DIPK1B: variants seen among roughly 807,000 people sequenced by gnomAD.
DIPK1B encodes family with sequence similarity 69 member B.
DIPK1B carries 17 observed loss-of-function variants against 20.7 expected under a neutral mutation model. The ratio of observed to expected loss-of-function variants is 0.82; its 90% CI spans 0.56 to 1.23. The LOEUF is 1.23. Ranked by LOEUF, DIPK1B falls within the 50% of genes most tolerant of loss-of-function variation. The pLI, the probability that DIPK1B is intolerant of heterozygous loss-of-function variation, is 0.00. For missense variants in DIPK1B, 648 were observed against 601.8 expected, an observed-to-expected ratio of 1.08 and a Z score of -0.80; for synonymous variants, 343 against 276.5, an observed-to-expected ratio of 1.24 and a Z score of -2.39.
In DIPK1B at chr9:136,723,680, G is replaced by C; in HGVS notation, c.1202G>C (p.Gly401Ala). The change falls in exon 5 of 5, where the codon GGG becomes GCG. Residue 401 changes from glycine to alanine, a missense_variant. By Grantham distance (60) the Gly-to-Ala change is moderately conservative (BLOSUM62 0). Transcript: ENST00000371692. ...TQLRTCTTLS[G>A]LASQVEAHHS... ...CTGCGCACCTGTACCACGCTGAGCG[G>C]GCTGGCCAGCCAGGTGGAGGCCCAT... The C allele has an allele frequency of 1.8e-5, 28 of 1,544,472 alleles. No homozygotes were observed. The highest frequency in any genetic ancestry group is 2.4e-5 in the Non-Finnish European group (28 of 1,148,914).
In DIPK1B at chr9:136,723,463, C is replaced by T; in HGVS notation, c.985C>T (p.Leu329=). ...VAPEATVRRF[L]QGRRCEHSTD... is the part of the protein sequence containing the mutation. ...ACCCGAGGCCACCGTGCGCCGCTTC[C>T]TGCAGGGCCGCCGCTGCGAGCACAG... The change falls in exon 5 of 5, where the codon CTG becomes TTG. Residue 329 remains leucine (L), a synonymous_variant. Coordinates refer to ENST00000371692, the MANE Select transcript of DIPK1B (RefSeq NM_152421.4). 6.2e-7 allele frequency: 1 copy of T among 1,610,566 alleles called. No individual in the cohort carries two copies. The highest frequency in any genetic ancestry group is 8.5e-7 in the Non-Finnish European group (1 of 1,178,922).
intron 2 of DIPK1B, among the ~76,000 whole-genome samples, chr9:136,718,167 C>T (rs12554206): frequency 9.9e-5 from 3 of 30,438 alleles, no homozygotes; most frequent in Non-Finnish European, 2.4e-4. Flanking sequence ...GCCTCACTGG[C>T]CTGGGATAGA....
In DIPK1B at chr9:136,722,403, G is replaced by A. The variant is rs145300956; in HGVS notation, c.483+102G>A. ...CATGCCCAGCGCAAAGGCACAGATG[G>A]GCCCAAGTGGACCCTGGGCAGACCT... is the stretch of plus-strand genomic sequence containing the variant. On this transcript the variant is annotated intron_variant, in intron 4 of 4. Transcript: ENST00000371692. The A allele has an allele frequency of 1.2e-3, 1,606 of 1,307,600 alleles. 17 individuals are homozygous for A. The African/African-American group carries it at 0.021, about 17-fold the overall frequency. The allele number at this position is 1,307,600 out of a possible 1,614,324, so 81.0% of individuals were successfully genotyped here. A position where few individuals can be genotyped will look rare whatever the true frequency, so the allele number is the denominator to read the frequency against.
chr9:136,715,443 G>A (rs994976906), intron 1 of DIPK1B, among the ~76,000 whole-genome samples: 3 of 152,206 alleles, frequency 2.0e-5, no homozygotes, highest in African/African-American at 7.2e-5. Context: ...AGAGTGACCT[G>A]GAGCCCTCCC....
At position 136,723,608 on chromosome 9, in the gene DIPK1B, T is replaced by C; in HGVS notation, c.1130T>C (p.Leu377Pro). ...GTGTGCGCACTGCTACGGGGCTACC[T>C]GCTGCCTGGCGCGCCCGCCGACCTC... Reference protein sequence around the residue: ...AKVCALLRGYLLPGAPADLRE... With the variant: ...AKVCALLRGYPLPGAPADLRE... The change falls in exon 5 of 5, where the codon CTG (leucine) becomes CCG (proline). Residue 377 changes from leucine to proline, a missense_variant. Transcript: ENST00000371692. 6.3e-7 allele frequency: 1 copy of C among 1,588,614 alleles called. No individual in the cohort carries two copies. Among genetic ancestry groups the C allele is most frequent in the Non-Finnish European group, 8.6e-7 (1 of 1,168,956 alleles).
chr9:136,713,011 C>A (rs1024652593), intron 1 of DIPK1B, among the ~76,000 whole-genome samples: 1 of 152,190 alleles, frequency 6.6e-6, no homozygotes, highest in Non-Finnish European at 1.5e-5. Flanking sequence ...AGAAACCACA[C>A]CGAAGTCCTT....
chr9:136,716,732 G>A (rs749810474), intron 1 of DIPK1B, among the ~76,000 whole-genome samples: 20 of 152,216 alleles, frequency 1.3e-4, no homozygotes, highest in Non-Finnish European at 2.5e-4. Flanking sequence ...CCAGGATGTG[G>A]CTGCGTTGGG....
rs1308744766 is a variant in DIPK1B, at chr9:136,712,572, A to T, written c.-94A>T. ...GCGGGCCCGGGGGCGCGCGGCCCGC[A>T]TGGCGAGGGAGCGGCGGCCGCTGCG... is the stretch of plus-strand genomic sequence containing the variant. On this transcript the variant is annotated 5_prime_UTR_variant, in exon 1 of 5. It removes an upstream start codon present in the reference 5' UTR. Transcript: ENST00000371692. This position sits in a 1 kb window ranked among gnomAD's most constrained non-coding sequence, Gnocchi z 5.6. 4.2e-6 allele frequency: 2 copies of T among 474,276 alleles called. No individual in the cohort carries two copies. The highest frequency in any genetic ancestry group is 5.5e-6 in the Non-Finnish European group (2 of 366,472). 29.4% of individuals were successfully genotyped at this position (474,276 alleles called of 1,614,324 possible). A position where few individuals can be genotyped will look rare whatever the true frequency, so the allele number is the denominator to read the frequency against.
Position 136,723,035 on chromosome 9 carries a change from A to G in DIPK1B, c.557A>G (p.Asp186Gly). 6.2e-7 allele frequency: 1 copy of G among 1,613,468 alleles called. No individual in the cohort carries two copies. The highest frequency in any genetic ancestry group is 2.2e-5 in the East Asian group (1 of 44,886). ...CTGCTCATGGCTGACTTCAACAAGGACAACCGGGTGTCCCTGGCGGAAGCC... is the reference window on the plus strand; with the variant it reads ...CTGCTCATGGCTGACTTCAACAAGGGCAACCGGGTGTCCCTGGCGGAAGCC... ...QVLLMADFNK[D>G]NRVSLAEAKS... Residue 186 changes from aspartate to glycine, a missense_variant, in exon 5 of 5, where the codon GAC becomes GGC. By Grantham distance (94) the Asp-to-Gly change is moderately conservative. Coordinates refer to ENST00000371692, the MANE Select transcript of DIPK1B (RefSeq NM_152421.4).
chr9:136,723,450 C>T lies in DIPK1B; in HGVS notation c.972C>T (p.Thr324=), dbSNP rs373675382. The change falls in exon 5 of 5, where the codon ACC becomes ACT. Residue 324 remains threonine, a synonymous_variant. Coordinates refer to ENST00000371692, the MANE Select transcript of DIPK1B (RefSeq NM_152421.4). ...TGCAGCAGGTGGCACCCGAGGCCAC[C>T]GTGCGCCGCTTCCTGCAGGGCCGCC... The part of the protein sequence containing the change: ...ADLQQVAPEA[T]VRRFLQGRRC... The T allele has an allele frequency of 3.3e-5, 53 of 1,611,228 alleles. No individual in the cohort carries two copies. Among genetic ancestry groups the T allele is most frequent in the Middle Eastern group, 1.6e-4 (1 of 6,082 alleles).
rs1166900347 is a variant in DIPK1B, at chr9:136,712,744, G to A, written c.63+16G>A. 7.5e-7 allele frequency: 1 copy of A among 1,330,990 alleles called. No homozygotes were observed. The allele number at this position is 1,330,990 out of a possible 1,614,324, so 82.4% of individuals were successfully genotyped here. A position where few individuals can be genotyped will look rare whatever the true frequency, so the allele number is the denominator to read the frequency against. On this transcript the variant is annotated intron_variant, in intron 1 of 4. Coordinates refer to ENST00000371692, the MANE Select transcript of DIPK1B (RefSeq NM_152421.4). The surrounding 1 kb of genome is among the most constrained non-coding windows in gnomAD (Gnocchi z 5.6). ...GCGCCTGCAGGTAAGCGCGGTGCGC[G>A]CCCGCCGCCCCCGGCCGCCTCTGCC...
chr9:136,724,076 T>C lies in DIPK1B; in HGVS notation c.*302T>C. Reference sequence around the variant, plus strand: ...GCACCCTGAGCCCCCATCGATGCTGTGTGTGGGACCCTTCGCCCCGCTGTG... The same window carrying C: ...GCACCCTGAGCCCCCATCGATGCTGCGTGTGGGACCCTTCGCCCCGCTGTG... On this transcript the variant is annotated 3_prime_UTR_variant, in exon 5 of 5. Coordinates refer to ENST00000371692, the MANE Select transcript of DIPK1B (RefSeq NM_152421.4). 2 of 380,464 alleles carry C rather than the reference T, an allele frequency of 5.3e-6. No homozygotes were observed. The highest frequency in any genetic ancestry group is 1.3e-4 in the East Asian group (2 of 15,594). 23.6% of individuals were successfully genotyped at this position (380,464 alleles called of 1,614,324 possible). A position where few individuals can be genotyped will look rare whatever the true frequency, so the allele number is the denominator to read the frequency against.
chr9:136,717,132 C>T (rs941821676), intron 1 of DIPK1B, among the ~76,000 whole-genome samples: 4 of 151,450 alleles, frequency 2.6e-5, no homozygotes, highest in African/African-American at 4.9e-5. Flanking sequence ...GGGAGGCTGA[C>T]GCAGGAGAAT....
chr9:136,723,302 C>T lies in DIPK1B; in HGVS notation c.824C>T (p.Ala275Val), dbSNP rs146808256. ...GPAWPWRAKI[A>V]IGLLEFVEEL... ...GCGTGGCCTTGGCGGGCCAAGATCG[C>T]CATCGGCCTGCTGGAGTTCGTGGAG... Residue 275 changes from alanine (A) to valine (V), a missense_variant, in exon 5 of 5, where the codon GCC (alanine) becomes GTC (valine). Ala to Val is a moderately conservative substitution (Grantham distance 64, BLOSUM62 0). Coordinates refer to ENST00000371692, the MANE Select transcript of DIPK1B (RefSeq NM_152421.4). 11 of 1,612,672 alleles carry T rather than the reference C, an allele frequency of 6.8e-6. No individual in the cohort carries two copies. In the Admixed American group the frequency reaches 8.3e-5, roughly 12 times the overall value.
At position 136,712,686 on chromosome 9, in the gene DIPK1B, G is replaced by T; in HGVS notation, c.21G>T (p.Leu7=). The change falls in exon 1 of 5, where the codon CTG becomes CTT. Residue 7 remains leucine, a synonymous_variant. Transcript: ENST00000371692. This position sits in a 1 kb window ranked among gnomAD's most constrained non-coding sequence, Gnocchi z 5.6. Reference sequence around the variant, plus strand: ...CCACCATGCGGCGGCTGCGGCGCCTGGCGCACCTGGTGCTCTTCTGCCCCT... The same window carrying T: ...CCACCATGCGGCGGCTGCGGCGCCTTGCGCACCTGGTGCTCTTCTGCCCCT... MRRLRR[L]AHLVLFCPFS... 1 of 1,326,128 alleles carries T rather than the reference G, an allele frequency of 7.5e-7. No homozygotes were observed. 82.1% of individuals were successfully genotyped at this position (1,326,128 alleles called of 1,614,324 possible). A position where few individuals can be genotyped will look rare whatever the true frequency, so the allele number is the denominator to read the frequency against.
chr9:136,718,725 GGT>G (rs1846541165), intron 2 of DIPK1B, among the ~76,000 whole-genome samples: 1 of 152,196 alleles, frequency 6.6e-6, no homozygotes, highest in Admixed American at 6.5e-5. Flanking sequence ...CCCCAGGTTC[GGT>G]GTCTCCTCCG....
In DIPK1B at chr9:136,717,661, T is replaced by C. The variant is rs781517237; in HGVS notation, c.148T>C (p.Tyr50His). The C allele has an allele frequency of 1.7e-5, 27 of 1,609,440 alleles. No individual in the cohort carries two copies. The South Asian group carries it at 2.9e-4, about 17-fold the overall frequency. The part of the protein sequence containing the change: ...FAGSWLVYVH[Y>H]SSYSERCRGH... ...AGGCAGCTGGCTGGTGTACGTGCAC[T>C]ACTCGTCCTACTCGGAGCGCTGTCG... Residue 50 changes from tyrosine to histidine, a missense_variant, in exon 2 of 5, where the codon TAC becomes CAC. Tyr to His is a moderately conservative substitution (Grantham distance 83). Coordinates refer to ENST00000371692, the MANE Select transcript of DIPK1B (RefSeq NM_152421.4).
chr9:136,722,030 T>C lies in DIPK1B; in HGVS notation c.306+2T>C. On this transcript the variant is annotated splice_donor_variant, in intron 3 of 4. Coordinates refer to ENST00000371692, the MANE Select transcript of DIPK1B (RefSeq NM_152421.4). LOFTEE classifies it high-confidence loss of function. ...CTCTCGGTGGCCCCGGGCCAGCAGG[T>C]ATAGCCACTGGCAGGGCGGGTGGGC... is the stretch of plus-strand genomic sequence containing the variant. 6.2e-7 allele frequency: 1 copy of C among 1,610,928 alleles called. No individual in the cohort carries two copies. Among genetic ancestry groups the C allele is most frequent in the Non-Finnish European group, 8.5e-7 (1 of 1,179,094 alleles).
At chr9:136,719,792 C>T (rs1846564844) in intron 2 of DIPK1B, among the ~76,000 whole-genome samples, 1 of 152,246 alleles carries the variant, frequency 6.6e-6, no homozygotes, top group Non-Finnish European at 1.5e-5. Context: ...GGCCCACAGG[C>T]TCCTTCCCCA....
Sources: allele counts gnomAD v4.1 joint callset (sites outside exome capture counted in the v4.1 genomes callset), GRCh38; gene constraint gnomAD v4.1.1; non-coding constraint Gnocchi (gnomAD v3.1); transcripts MANE v1.5; gene names NCBI Gene and HGNC (gene_info 2026-07-23, HGNC 2026-07-21).